The following GLIPR1L1 variants were observed in gnomAD, a reference collection of about 807,000 sequenced individuals.
The protein encoded by GLIPR1L1 is GLIPR1 like 1, also known as GLIPR1-like protein 1.
Under a neutral mutation model 29.9 loss-of-function variants are expected in GLIPR1L1, and 26 were observed. The ratio of observed to expected loss-of-function variants is 0.87; its 90% CI spans 0.64 to 1.21. GLIPR1L1 has a LOEUF of 1.21. Among genes scored for constraint, GLIPR1L1 ranks in the 50% most tolerant of loss-of-function variants. GLIPR1L1 has a pLI of 0.00. For missense variants in GLIPR1L1, 305 were observed against 290.3 expected (o/e 1.05, Z -0.37); for synonymous variants, 77 against 97.5 (o/e 0.79, Z 1.24).
chr12:75,355,648 A>C (rs1042616582), intron 3 of GLIPR1L1, among the ~76,000 whole-genome samples: 7 of 152,176 alleles, frequency 4.6e-5, no homozygotes, highest in African/African-American at 1.7e-4. Context: ...AAAAAATATA[A>C]ATTATTCTAT....
intron 3 of GLIPR1L1, among the ~76,000 whole-genome samples, chr12:75,349,820 T>TA (rs1243618266): frequency 2.6e-5 from 4 of 151,904 alleles, no homozygotes; most frequent in East Asian, 1.9e-4. Flanking sequence ...CCTATCTCTT[T>TA]AAAAAAAGAA....
chr12:75,339,247 G>A (rs191277302), intron 1 of GLIPR1L1, among the ~76,000 whole-genome samples: 14 of 151,978 alleles, frequency 9.2e-5, no homozygotes, highest in Admixed American at 5.9e-4. Flanking sequence ...TTTTTTTCCC[G>A]CAACACTGCC....
intron 2 of GLIPR1L1, among the ~76,000 whole-genome samples, chr12:75,346,324 A>G (rs2042442614): frequency 6.6e-6 from 1 of 152,236 alleles, no homozygotes; most frequent in Non-Finnish European, 1.5e-5. Flanking sequence ...CATTTCATTA[A>G]GTGGGAAACT....
At chr12:75,357,622 T>C (rs1420129347) in intron 3 of GLIPR1L1, among the ~76,000 whole-genome samples, 3 of 152,078 alleles carry the variant, frequency 2.0e-5, no homozygotes, top group African/African-American at 7.2e-5. Context: ...AAACAGATCT[T>C]GATACATTTA....
intron 2 of GLIPR1L1, among the ~76,000 whole-genome samples, chr12:75,344,309 G>T (rs1037427037): frequency 2.0e-5 from 3 of 151,890 alleles, no homozygotes; most frequent in Non-Finnish European, 4.4e-5. Context: ...TGATGCTCTT[G>T]TCTTTTTTCT....
At chr12:75,365,322 A>G (rs2043891425) in intron 4 of GLIPR1L1, 1 of 152,164 alleles carries the variant, frequency 6.6e-6, no homozygotes, top group Non-Finnish European at 1.5e-5. Flanking sequence ...ATTAAAAAAG[A>G]ATGTGTGTGT....
chr12:75,357,318 A>G (rs962638004), intron 3 of GLIPR1L1, among the ~76,000 whole-genome samples: 3 of 152,244 alleles, frequency 2.0e-5, no homozygotes, highest in Non-Finnish European at 2.9e-5. Context: ...AGAGAACATA[A>G]GAGTCCTACA....
chr12:75,366,644 C>A (rs1253344817), intron 4 of GLIPR1L1, among the ~76,000 whole-genome samples: 1 of 147,554 alleles, frequency 6.8e-6, no homozygotes, highest in Non-Finnish European at 1.5e-5. Context: ...TTGTTGCCTA[C>A]TTTTTTTTTT....
Position 75,369,766 on chromosome 12 carries a change from A to G in GLIPR1L1, c.611-194A>G, listed in dbSNP as rs908503526. Reference sequence around the variant, plus strand: ...AGGTGTTTTAGAAATATTTGTTGACATAACACTGTTGGTAGGAAGCATCGT... The same window carrying G: ...AGGTGTTTTAGAAATATTTGTTGACGTAACACTGTTGGTAGGAAGCATCGT... On this transcript the variant is annotated intron_variant, in intron 4 of 5. Transcript: ENST00000378695. The G allele has an allele frequency of 2.3e-5, 23 of 984,664 alleles. No individual in the cohort carries two copies. The Admixed American group carries it at 3.7e-4, about 16-fold the overall frequency. The allele number at this position is 984,664 out of a possible 1,614,324, so 61.0% of individuals were successfully genotyped here.
chr12:75,369,872 T>C lies in GLIPR1L1; in HGVS notation c.611-88T>C, dbSNP rs1046112121. 3.7e-6 allele frequency: 5 copies of C among 1,333,474 alleles called. No homozygotes were observed. In the African/African-American group the frequency reaches 7.4e-5, roughly 20 times the overall value. The allele number at this position is 1,333,474 out of a possible 1,614,324, so 82.6% of individuals were successfully genotyped here. Reference sequence around the variant, plus strand: ...AGTCAAACTAATTTTTGTTAGTTGATTGTCTTATTCTAAAAGCCATAAAAG... The same window carrying C: ...AGTCAAACTAATTTTTGTTAGTTGACTGTCTTATTCTAAAAGCCATAAAAG... On this transcript the variant is annotated intron_variant, in intron 4 of 5. Transcript: ENST00000378695.
chr12:75,361,449 T>A (rs1385340537), intron 3 of GLIPR1L1, among the ~76,000 whole-genome samples: 1 of 152,230 alleles, frequency 6.6e-6, no homozygotes, highest in Non-Finnish European at 1.5e-5. Context: ...CCCAACCCTA[T>A]CTGCCTAGGC....
rs1268264223 is a variant in GLIPR1L1 at position 75,334,768 on chromosome 12, G to C, written c.40G>C (p.Gly14Arg). Residue 14 changes from glycine (G) to arginine (R), a missense_variant, in exon 1 of 6, where the codon GGT (glycine) becomes CGT (arginine). Transcript: ENST00000378695. ...KNKFSCLWIL[G>R]LCLVATTSSK... is the part of the protein sequence containing the mutation. ...TAAATTCAGTTGTTTATGGATCTTG[G>C]GTCTGTGTTTGGTAGCCACTACATC... 2 of 1,613,938 alleles carry C rather than the reference G, an allele frequency of 1.2e-6. No homozygotes were observed. The highest frequency in any genetic ancestry group is 8.5e-7 in the Non-Finnish European group (1 of 1,179,978).
intron 4 of GLIPR1L1, among the ~76,000 whole-genome samples, chr12:75,367,464 C>G (rs1014067693): frequency 2.0e-5 from 3 of 151,952 alleles, no homozygotes; most frequent in African/African-American, 7.2e-5. Flanking sequence ...ACACATTAGC[C>G]TAGGCCTACA....
At chr12:75,366,987 A>C in intron 4 of GLIPR1L1, 1 of 701,740 alleles carries the variant, frequency 1.4e-6, no homozygotes, top group African/African-American at 1.7e-5. Flanking sequence ...CAGTAACAAA[A>C]TGTCCTTTCT....
chr12:75,350,211 C>A (rs781714504), intron 3 of GLIPR1L1, among the ~76,000 whole-genome samples: 13 of 152,224 alleles, frequency 8.5e-5, no homozygotes, highest in Non-Finnish European at 1.5e-4. Flanking sequence ...GCACCCCCAG[C>A]CAGGGGTTTA....
At chr12:75,370,063 G>C (rs1016048028) in intron 5 of GLIPR1L1, 22 bp from the exon 6 acceptor site, 4 of 1,487,264 alleles carry the variant, frequency 2.7e-6, no homozygotes, top group Non-Finnish European at 3.7e-6. Context: ...AACTATTCTG[G>C]TTTTGTTTTT....
At chr12:75,352,225 G>C (rs550877180) in intron 3 of GLIPR1L1, among the ~76,000 whole-genome samples, 1 of 152,210 alleles carries the variant, frequency 6.6e-6, no homozygotes, top group Non-Finnish European at 1.5e-5. Context: ...GCTGGATAAA[G>C]AGCCAACATC....
At chr12:75,355,280 CAAAACAA>C (rs761481166) in intron 3 of GLIPR1L1, among the ~76,000 whole-genome samples, 1 of 151,812 alleles carries the variant, frequency 6.6e-6, no homozygotes, top group Non-Finnish European at 1.5e-5. Flanking sequence ...AGTAAACTTA[CAAAACAA>C]AAAATCATTC....
intron 1 of GLIPR1L1, among the ~76,000 whole-genome samples, chr12:75,339,018 G>A (rs1212336436): frequency 2.6e-5 from 4 of 152,126 alleles, no homozygotes; most frequent in Admixed American, 2.0e-4. Context: ...GGGCATTTGG[G>A]TTGATTCTAT....
Sources: allele counts gnomAD v4.1 joint callset (sites outside exome capture counted in the v4.1 genomes callset), GRCh38; gene constraint gnomAD v4.1.1; transcripts MANE v1.5; gene names NCBI Gene and HGNC (gene_info 2026-07-23, HGNC 2026-07-21).